COL5A2: variants seen among roughly 807,000 people sequenced by gnomAD.
COL5A2 encodes collagen type V alpha 2 chain, also known as collagen alpha-2(V) chain.
A neutral mutation model predicts 208.2 loss-of-function variants in COL5A2; 23 were observed. The observed-to-expected ratio is 0.11, with a 90% confidence interval of 0.08 to 0.16. The LOEUF (loss-of-function observed/expected upper bound fraction) is 0.16, where lower values mean the gene tolerates loss of function less well. Ranked by LOEUF, COL5A2 falls within the 10% of genes least tolerant of loss-of-function variation. The pLI, the probability that COL5A2 is intolerant of heterozygous loss-of-function variation, is 1.00. For synonymous variants in COL5A2, 625 were observed against 628.5 expected (o/e 0.99, Z 0.08); for missense variants, 1,590 against 1,956.4 (o/e 0.81, Z 3.53).
the COL5A2 span, among the ~76,000 whole-genome samples, chr2:189,245,561 T>C: frequency 2.7e-5 from 4 of 150,444 alleles, no homozygotes; most frequent in Non-Finnish European, 5.9e-5. Flanking sequence ...CTCGGCTCAC[T>C]GCAAGCTCCG....
the COL5A2 span, among the ~76,000 whole-genome samples, chr2:189,379,707 C>T: frequency 5.9e-5 from 9 of 152,162 alleles, no homozygotes; most frequent in African/African-American, 2.2e-4. Context: ...ACTTGCTCAA[C>T]TTTTCATAGT....
At chr2:189,414,566 C>A in the COL5A2 span, among the ~76,000 whole-genome samples, 4 of 151,712 alleles carry the variant, frequency 2.6e-5, no homozygotes, top group African/African-American at 4.8e-5. Flanking sequence ...CTGGCCAACA[C>A]GGCAAAACCC....
chr2:189,303,918 T>C, the COL5A2 span, among the ~76,000 whole-genome samples: 184 of 152,258 alleles, frequency 1.2e-3, no homozygotes, highest in African/African-American at 4.2e-3. Context: ...CGTTCTTTGC[T>C]CAATAAAACT....
At chr2:189,223,476 G>T (rs1294898503) in intron 1 of COL5A2, among the ~76,000 whole-genome samples, 1 of 152,114 alleles carries the variant, frequency 6.6e-6, no homozygotes, top group East Asian at 1.9e-4. Flanking sequence ...AAAAGCCAAT[G>T]AACTTGTAGA....
chr2:189,057,154 C>T, intron 34 of COL5A2, 128 bp from the exon 35 acceptor site: 1 of 1,125,310 alleles, frequency 8.9e-7, no homozygotes, highest in Non-Finnish European at 1.3e-6. Context: ...TGGGATGGTG[C>T]CTCACACTGT....
intron 1 of COL5A2, among the ~76,000 whole-genome samples, chr2:189,200,283 A>AT (rs1324477189): frequency 6.6e-6 from 1 of 152,158 alleles, no homozygotes; most frequent in Non-Finnish European, 1.5e-5. Context: ...AAATGTACTA[A>AT]TTTTCACATC....
At chr2:189,405,428 C>T in the COL5A2 span, among the ~76,000 whole-genome samples, 1 of 152,098 alleles carries the variant, frequency 6.6e-6, no homozygotes, top group African/African-American at 2.4e-5. Context: ...CACAGGGTTT[C>T]ACCATGTTGG....
At chr2:189,229,105 A>G (rs1689450478), upstream of COL5A2, among the ~76,000 whole-genome samples, 2 of 151,820 alleles carry the variant, frequency 1.3e-5, no homozygotes, top group African/African-American at 4.8e-5. Flanking sequence ...GCAAAAGTCA[A>G]TATCCTTTCA....
chr2:189,391,317 G>A, the COL5A2 span, among the ~76,000 whole-genome samples: 1 of 152,100 alleles, frequency 6.6e-6, no homozygotes, highest in South Asian at 2.1e-4. Context: ...TAATGTTTGA[G>A]CTGCACATGC....
chr2:189,358,834 A>G, the COL5A2 span, among the ~76,000 whole-genome samples: 1 of 150,440 alleles, frequency 6.6e-6, no homozygotes. Flanking sequence ...TGTAGCTATT[A>G]TAAAAGTGAT....
the COL5A2 span, among the ~76,000 whole-genome samples, chr2:189,367,011 C>T: frequency 3.9e-5 from 6 of 152,134 alleles, no homozygotes; most frequent in African/African-American, 1.4e-4. Flanking sequence ...TATTTCTATC[C>T]AATGCCTGCA....
chr2:189,057,289 T>TG (rs1242713302), intron 34 of COL5A2, 31 bp downstream of exon 34: 19 of 524,732 alleles, frequency 3.6e-5, no homozygotes, highest in African/African-American at 1.2e-4. Flanking sequence ...ATAAATGAAC[T>TG]GAAAAAAAAA....
chr2:189,386,297 C>T, the COL5A2 span, among the ~76,000 whole-genome samples: 1 of 151,974 alleles, frequency 6.6e-6, no homozygotes, highest in Non-Finnish European at 1.5e-5. Flanking sequence ...AAACTGGACC[C>T]CTGCCTATCA....
At chr2:189,209,617 A>G (rs1019162923) in intron 1 of COL5A2, among the ~76,000 whole-genome samples, 9 of 152,300 alleles carry the variant, frequency 5.9e-5, no homozygotes, top group African/African-American at 2.2e-4. Context: ...TTTTAACAAC[A>G]AAAAAGGGTT....
At chr2:189,383,879 C>T in the COL5A2 span, among the ~76,000 whole-genome samples, 2 of 152,020 alleles carry the variant, frequency 1.3e-5, no homozygotes, top group Non-Finnish European at 2.9e-5. Context: ...TTTTTGTACT[C>T]ATTAACTAAA....
the COL5A2 span, among the ~76,000 whole-genome samples, chr2:189,246,548 G>A: frequency 5.9e-5 from 9 of 152,246 alleles, no homozygotes; most frequent in Middle Eastern, 3.4e-3. Flanking sequence ...TTAGCAAATG[G>A]AAATAGGTGA....
chr2:189,240,661 T>G, the COL5A2 span, among the ~76,000 whole-genome samples: 1 of 152,212 alleles, frequency 6.6e-6, no homozygotes, highest in East Asian at 1.9e-4. Context: ...CAATTCCTCT[T>G]GTGATTGCCT....
At chr2:189,431,309 A>C in the COL5A2 span, among the ~76,000 whole-genome samples, 1 of 152,208 alleles carries the variant, frequency 6.6e-6, no homozygotes, top group Non-Finnish European at 1.5e-5. Context: ...GCAGCTCCTC[A>C]CCAGCAACAG....
chr2:189,084,274 T>G (rs566390976), intron 11 of COL5A2, among the ~76,000 whole-genome samples: 6 of 152,318 alleles, frequency 3.9e-5, no homozygotes, highest in African/African-American at 1.4e-4. Context: ...AAGAATAAAT[T>G]GTTGAAAATT....
Sources: gnomAD v4.1 joint callset for allele counts (sites outside exome capture counted in the v4.1 genomes callset) on GRCh38, gnomAD v4.1.1 for gene constraint, MANE v1.5 for transcripts, NCBI Gene and HGNC (gene_info 2026-07-23, HGNC 2026-07-21) for gene names.